The following PRR16 variants were observed in gnomAD, a reference collection of about 807,000 sequenced individuals.
PRR16 encodes the protein proline rich 16.
Under a neutral mutation model 18.2 loss-of-function variants are expected in PRR16, and 6 were observed. The observed-to-expected ratio is 0.33, with a 90% CI of 0.18 to 0.65. The LOEUF (loss-of-function observed/expected upper bound fraction) is 0.65, where lower values mean the gene tolerates loss of function less well. Ranked by LOEUF, PRR16 falls within the 30% of genes least tolerant of loss-of-function variation. The pLI is 0.74. For missense variants in PRR16, 412 were observed against 376.6 expected (o/e 1.09, Z -0.78); for synonymous variants, 151 against 147.8 (o/e 1.02, Z -0.16).
the PRR16 span, among the ~76,000 whole-genome samples, chr5:120,775,632 C>CGT: frequency 2.2e-5 from 3 of 137,568 alleles, no homozygotes; most frequent in African/African-American, 5.3e-5. Flanking sequence ...TTTCTTTCTC[C>CGT]TTTTTTTTTT....
chr5:120,705,078 TA>T, the PRR16 span, among the ~76,000 whole-genome samples: 30 of 147,020 alleles, frequency 2.0e-4, no homozygotes, highest in South Asian at 2.1e-4. Flanking sequence ...ATGTCCATTG[TA>T]AAAAAAAAAG....
chr5:120,490,217 A>T (rs1247043964), intron 1 of PRR16, among the ~76,000 whole-genome samples: 1 of 152,156 alleles, frequency 6.6e-6, no homozygotes, highest in Admixed American at 6.5e-5. Context: ...AGATTGGGGA[A>T]GTTCTCCTGG....
the PRR16 span, among the ~76,000 whole-genome samples, chr5:120,777,800 T>C: frequency 1.3e-5 from 2 of 152,122 alleles, no homozygotes; most frequent in Non-Finnish European, 2.9e-5. Flanking sequence ...TCAGTGCTGA[T>C]TGATAATGCA....
the PRR16 span, among the ~76,000 whole-genome samples, chr5:120,750,581 C>G: frequency 1.3e-5 from 2 of 151,778 alleles, no homozygotes; most frequent in Non-Finnish European, 2.9e-5. Context: ...GCAGGAGAAT[C>G]GCTTGGACAT....
the PRR16 span, among the ~76,000 whole-genome samples, chr5:120,724,813 T>C: frequency 1.3e-5 from 2 of 151,942 alleles, no homozygotes; most frequent in Non-Finnish European, 2.9e-5. Context: ...ATCAAATACA[T>C]AGGAAGAGTC....
intron 1 of PRR16, among the ~76,000 whole-genome samples, chr5:120,530,254 A>AATATATAT (rs3047950): frequency 4.6e-4 from 49 of 106,704 alleles, no homozygotes; most frequent in East Asian, 1.4e-3. Context: ...AGTGTGTGTA[A>AATATATAT]ATATATATAT....
chr5:120,522,579 T>C (rs989727649), intron 1 of PRR16, among the ~76,000 whole-genome samples: 1 of 152,172 alleles, frequency 6.6e-6, no homozygotes, highest in Non-Finnish European at 1.5e-5. Flanking sequence ...ATTAGCCCTT[T>C]GTCAGATGGG....
rs571631225 is a variant in PRR16, at chr5:120,686,013, C to G, written c.219C>G (p.Asp73Glu). The G allele has an allele frequency of 3.7e-6, 6 of 1,614,068 alleles. No individual in the cohort carries two copies. The highest frequency in any genetic ancestry group is 3.3e-5 in the Admixed American group (2 of 60,020). Residue 73 changes from aspartate to glutamate, a missense_variant, in exon 2 of 2, where the codon GAC (aspartate) becomes GAG (glutamate). Physicochemically the swap from Asp to Glu is conservative, Grantham distance 45 (BLOSUM62 2). Coordinates refer to ENST00000407149, the MANE Select transcript of PRR16 (RefSeq NM_001300783.2). ...SDLQLEDEMTDSSKTDTLNSS... is the reference protein window; with the variant it reads ...SDLQLEDEMTESSKTDTLNSS... ...TACAGCTGGAGGATGAGATGACTGA[C>G]AGCTCCAAAACGGACACGCTGAATA...
downstream of PRR16, among the ~76,000 whole-genome samples, chr5:120,687,721 C>T (rs1449473075): frequency 2.0e-5 from 3 of 152,132 alleles, no homozygotes; most frequent in Non-Finnish European, 2.9e-5. Context: ...CAGCATTTGG[C>T]GTAAGTTTTT....
intron 1 of PRR16, among the ~76,000 whole-genome samples, chr5:120,539,870 G>A (rs13165484): frequency 0.16 from 24,079 of 151,928 alleles, 2,995 homozygotes; most frequent in East Asian, 0.68. Context: ...TAGTTAACAT[G>A]TGTAATGGTA....
At chr5:120,600,667 A>G (rs1753953253) in intron 1 of PRR16, among the ~76,000 whole-genome samples, 1 of 151,866 alleles carries the variant, frequency 6.6e-6, no homozygotes, top group Non-Finnish European at 1.5e-5. Flanking sequence ...AAATTATTTC[A>G]TCACCCGGAT....
the PRR16 span, among the ~76,000 whole-genome samples, chr5:120,696,139 G>C: frequency 6.6e-6 from 1 of 152,108 alleles, no homozygotes; most frequent in Non-Finnish European, 1.5e-5. Flanking sequence ...CTACTCAGGA[G>C]GCTGAGGCAG....
chr5:120,533,842 C>A (rs1007970715), intron 1 of PRR16, among the ~76,000 whole-genome samples: 2 of 152,148 alleles, frequency 1.3e-5, no homozygotes, highest in Non-Finnish European at 2.9e-5. Context: ...GACACGAATT[C>A]CATTTTTAAA....
At chr5:120,617,271 A>G in intron 1 of PRR16, 1 of 643,036 alleles carries the variant, frequency 1.6e-6, no homozygotes, top group Non-Finnish European at 1.9e-6. Flanking sequence ...GCAAACCAAT[A>G]TATCATTTGT....
chr5:120,792,876 G>A, the PRR16 span, among the ~76,000 whole-genome samples: 1 of 152,302 alleles, frequency 6.6e-6, no homozygotes. Context: ...TGTGGGCTGG[G>A]CGTGGTGGCT....
intron 1 of PRR16, among the ~76,000 whole-genome samples, chr5:120,509,863 T>G (rs957917354): frequency 6.6e-6 from 1 of 152,254 alleles, no homozygotes; most frequent in Admixed American, 6.5e-5. Context: ...TGAGTAATAT[T>G]TAATTCATAA....
chr5:120,694,516 G>C, the PRR16 span, among the ~76,000 whole-genome samples: 10 of 151,790 alleles, frequency 6.6e-5, no homozygotes, highest in Admixed American at 2.6e-4. Context: ...AACCCCGTCT[G>C]TACTAAAAAT....
At chr5:120,781,151 A>G in the PRR16 span, 1 of 151,996 alleles carries the variant, frequency 6.6e-6, no homozygotes. Flanking sequence ...TTTTTTTTTC[A>G]AACTGATGAT....
intron 1 of PRR16, among the ~76,000 whole-genome samples, chr5:120,479,460 A>G (rs927931034): frequency 1.3e-5 from 2 of 152,180 alleles, no homozygotes; most frequent in Non-Finnish European, 2.9e-5. Context: ...AATATTATAT[A>G]CCGGAATAAC....
Sources: allele counts gnomAD v4.1 joint callset (sites outside exome capture counted in the v4.1 genomes callset), GRCh38; gene constraint gnomAD v4.1.1; transcripts MANE v1.5; gene names NCBI Gene and HGNC (gene_info 2026-07-23, HGNC 2026-07-21).